DRP2: variants seen among roughly 807,000 people sequenced by gnomAD.
DRP2 encodes dystrophin related protein 2.
In DRP2, 29 loss-of-function variants were observed where a neutral mutation model predicts 78.2. That is an observed-to-expected ratio of 0.37 (90% CI 0.28 to 0.51). The LOEUF (loss-of-function observed/expected upper bound fraction) is 0.51. Among genes scored for constraint, DRP2 ranks in the 20% least tolerant of loss-of-function variants. The probability of loss-of-function intolerance (pLI) is 0.94; values close to 1 mark genes in which losing one functional copy is unlikely to be tolerated. For missense variants in DRP2, 686 were observed against 770.6 expected (o/e 0.89, Z 1.30); for synonymous variants, 290 against 281.9 (o/e 1.03, Z -0.29).
intron 1 of DRP2, 112 bp from the exon 2 acceptor site, chrX:101,224,492 T>G (rs1405214959): frequency 4.5e-5 from 5 of 110,797 alleles, no homozygotes; most frequent in Non-Finnish European, 7.6e-5. Context: ...TTTACAAAAT[T>G]GGAGTTCCAC....
chrX:101,256,545 CT>C lies in DRP2; in HGVS notation c.2390+288del. Among the ~76,000 whole-genome samples, 4 of 82,246 alleles carry C rather than the reference CT, an allele frequency of 4.9e-5. No homozygotes were observed. The Admixed American group carries it at 6.3e-4, about 13-fold the overall frequency. The allele number at this position is 82,246 out of a possible 115,157, so 71.4% of individuals were successfully genotyped here. A position where few individuals can be genotyped will look rare whatever the true frequency, so the allele number is the denominator to read the frequency against. Reference sequence around the variant, plus strand: ...AGCTATTATAATAATTATTTGAAAACTTTTAAATTTTTTTTTTTTTTGAGAC... The same window carrying C: ...AGCTATTATAATAATTATTTGAAAACTTTAAATTTTTTTTTTTTTTGAGAC... On this transcript the variant is annotated intron_variant, in intron 21 of 23. Transcript: ENST00000395209.
chrX:101,220,830 T>G (rs1031851113), intron 1 of DRP2, among the ~76,000 whole-genome samples: 1 of 111,599 alleles, frequency 9.0e-6, no homozygotes, highest in African/African-American at 3.3e-5. Flanking sequence ...CTCCCCTGGT[T>G]TCCTTTCTAC....
rs2147337744 is a variant in DRP2 at position 101,237,794 on chromosome X, A to G, written c.438+19A>G. ...ACATGCGGTAGGTTAGAATCAGAGA[A>G]GCCGTGGTGTGTAGCCTCTCAGCTG... On this transcript the variant is annotated intron_variant, in intron 5 of 23. Coordinates refer to ENST00000395209, the MANE Select transcript of DRP2 (RefSeq NM_001939.3). The G allele has an allele frequency of 4.5e-6, 5 of 1,110,029 alleles. No individual in the cohort carries two copies. Among genetic ancestry groups the G allele is most frequent in the Non-Finnish European group, 4.8e-6 (4 of 837,167 alleles). The allele number at this position is 1,110,029 out of a possible 1,213,427, so 91.5% of individuals were successfully genotyped here. A position where few individuals can be genotyped will look rare whatever the true frequency, so the allele number is the denominator to read the frequency against.
At position 101,250,692 on chromosome X, in the gene DRP2, G is replaced by A; in HGVS notation, c.1698+112G>A. 7 of 1,022,229 alleles carry A rather than the reference G, an allele frequency of 6.8e-6. No homozygotes were observed. The South Asian group carries it at 1.6e-4, about 24-fold the overall frequency. The allele number at this position is 1,022,229 out of a possible 1,213,427, so 84.2% of individuals were successfully genotyped here. A position where few individuals can be genotyped will look rare whatever the true frequency, so the allele number is the denominator to read the frequency against. ...TGATCTGAAGTACGCAGATGCAAGG[G>A]AGTTTATTGGGATGGAACAACAGGG... On this transcript the variant is annotated intron_variant, in intron 15 of 23. Coordinates refer to ENST00000395209, the MANE Select transcript of DRP2 (RefSeq NM_001939.3).
At chrX:101,227,276 T>G (rs1032888536) in intron 2 of DRP2, among the ~76,000 whole-genome samples, 1 of 111,846 alleles carries the variant, frequency 8.9e-6, no homozygotes, top group African/African-American at 3.3e-5. Context: ...TTTTTTTTGT[T>G]TGTTTATATG....
chrX:101,250,392 G>C (rs757221237), intron 14 of DRP2, 31 bp from the exon 15 acceptor site: 29 of 1,208,263 alleles, frequency 2.4e-5, no homozygotes, highest in Non-Finnish European at 2.8e-5. Context: ...CCTGTGTCGG[G>C]GTTGGCCATT....
rs1922877532 is a variant in DRP2, at chrX:101,245,026, A to G, written c.1064A>G (p.Gln355Arg). The G allele has an allele frequency of 8.3e-7, 1 of 1,209,269 alleles. No homozygotes were observed. The highest frequency in any genetic ancestry group is 1.1e-6 in the Non-Finnish European group (1 of 894,150). Residue 355 changes from glutamine (Q) to arginine (R), a missense_variant, in exon 10 of 24, where the codon CAG becomes CGG. Coordinates refer to ENST00000395209, the MANE Select transcript of DRP2 (RefSeq NM_001939.3). ...TCTTCTCCTTTACCAGCCTCTGTCC[A>G]GGTTCCCTGGGAAAGAGCAATTTCA... ...GSQHFLSSSV[Q>R]VPWERAISPN...
chrX:101,223,387 T>C (rs1921960980), intron 1 of DRP2, among the ~76,000 whole-genome samples: 1 of 112,523 alleles, frequency 8.9e-6, no homozygotes, highest in Non-Finnish European at 1.9e-5. Context: ...TTTTTTTCAC[T>C]ATTGTATACT....
At chrX:101,259,017 G>A (rs910277786) in intron 22 of DRP2, among the ~76,000 whole-genome samples, 2 of 111,698 alleles carry the variant, frequency 1.8e-5, no homozygotes, top group Non-Finnish European at 3.8e-5. Flanking sequence ...ATCTCTGAGA[G>A]GCAATGTGTA....
rs778077609 is a variant in DRP2, at chrX:101,236,019, C to G, written c.277C>G (p.Leu93Val). The stretch of plus-strand genomic sequence containing the variant: ...TGAAATAAAAAAGAAGTCTCACAAC[C>G]TCCGGTAAGAAACAGGTGCCTTAGG... ...WNEIKKKSHN[L>V]RARLEAFSDH... Residue 93 changes from leucine to valine, a missense_variant, in exon 4 of 24, where the codon CTC becomes GTC. This residue lies in a region of DRP2 where 263 missense variants were observed against 239.1 expected (regional missense o/e 1.10). Transcript: ENST00000395209. The G allele has an allele frequency of 8.3e-7, 1 of 1,211,675 alleles. No individual in the cohort carries two copies. The highest frequency in any genetic ancestry group is 3.0e-5 in the East Asian group (1 of 33,819).
intron 11 of DRP2, 31 bp from the exon 12 acceptor site, chrX:101,247,059 A>G: frequency 8.4e-7 from 1 of 1,192,481 alleles, no homozygotes; most frequent in Admixed American, 2.2e-5. Flanking sequence ...AATTTTTCTG[A>G]TCTGAGTGGG....
At chrX:101,224,267 A>G (rs1423430251) in intron 1 of DRP2, among the ~76,000 whole-genome samples, 8 of 79,505 alleles carry the variant, frequency 1.0e-4, no homozygotes, top group Non-Finnish European at 1.6e-4. Flanking sequence ...GCAGTGGCAC[A>G]ATCTCGGCTG....
chrX:101,222,324 T>A (rs913113303), intron 1 of DRP2, among the ~76,000 whole-genome samples: 8 of 111,242 alleles, frequency 7.2e-5, no homozygotes, highest in Non-Finnish European at 1.5e-4. Flanking sequence ...AAAAAAATAA[T>A]AAAATAAAAA....
intron 19 of DRP2, 29 bp downstream of exon 19, chrX:101,254,953 G>C (rs1279171956): frequency 8.3e-7 from 1 of 1,209,186 alleles, no homozygotes; most frequent in Admixed American, 2.2e-5. Context: ...GAGGTGGGTA[G>C]GAGCTGTTGT....
Position 101,257,122 on chromosome X carries a change from G to A in DRP2, c.2390+861G>A, listed in dbSNP as rs767995838. On this transcript the variant is annotated intron_variant, in intron 21 of 23. Transcript: ENST00000395209. ...TTCCATAAAGTAAAGGTGGCAGCAG[G>A]TACCTAAGGAGGGTCCAAGCCTCTT... is the stretch of plus-strand genomic sequence containing the variant. Among the ~76,000 whole-genome samples the A allele has an allele frequency of 2.7e-5, 3 of 110,445 alleles. No individual in the cohort carries two copies. The Admixed American group carries it at 2.9e-4, about 11-fold the overall frequency.
Position 101,263,142 on chromosome X carries a change from A to G in DRP2, c.*2521A>G, listed in dbSNP as rs932243765. 8.9e-6 allele frequency: 1 copy of G among 111,807 alleles called. No individual in the cohort carries two copies. Among genetic ancestry groups the G allele is most frequent in the Non-Finnish European group, 1.9e-5 (1 of 53,110 alleles). The allele number at this position is 111,807 out of a possible 1,213,427, so 9.2% of individuals were successfully genotyped here. A position where few individuals can be genotyped will look rare whatever the true frequency, so the allele number is the denominator to read the frequency against. On this transcript the variant is annotated 3_prime_UTR_variant, in exon 24 of 24. Transcript: ENST00000395209. ...TTACCTTAATGCCTAAGGTGAGTGT[A>G]TTGTTCAAGGGTCCAGGGACAGTCA...
intron 21 of DRP2, among the ~76,000 whole-genome samples, chrX:101,257,111 G>A (rs1204522639): frequency 9.1e-6 from 1 of 110,412 alleles, no homozygotes; most frequent in Non-Finnish European, 1.9e-5. Context: ...ATAAAGTAAA[G>A]GTGGCAGCAG....
rs768308395 is a variant in DRP2 at position 101,247,164 on chromosome X, T to C, written c.1252T>C (p.Leu418=). 1 of 1,202,108 alleles carries C rather than the reference T, an allele frequency of 8.3e-7. No individual in the cohort carries two copies. The highest frequency in any genetic ancestry group is 3.0e-5 in the East Asian group (1 of 33,472). Residue 418 remains leucine (L), a splice_region_variant and synonymous_variant, in exon 12 of 24, where the codon TTG becomes CTG. Transcript: ENST00000395209. The part of the protein sequence containing the change: ...KLRRVQKALR[L]DLVTLTTALE... ...CCGCAGAGTCCAGAAAGCCCTGCGC[T>C]GTACGTCTCCTGTTGTACTTCCCTA...
intron 5 of DRP2, among the ~76,000 whole-genome samples, chrX:101,238,739 T>G (rs1046420430): frequency 9.0e-6 from 1 of 111,677 alleles, no homozygotes; most frequent in Admixed American, 9.5e-5. Context: ...GATCCCCACA[T>G]TTTTCTCTAT....
Sources: gnomAD v4.1 joint callset for allele counts (sites outside exome capture counted in the v4.1 genomes callset) on GRCh38, gnomAD v4.1.1 for gene constraint, gnomAD v4.1.1 regional missense constraint, MANE v1.5 for transcripts, NCBI Gene and HGNC (gene_info 2026-07-23, HGNC 2026-07-21) for gene names.